Variants in CNTNAP3B observed in about 807,000 individuals in gnomAD.
CNTNAP3B encodes the protein contactin-associated protein-like 3B.
Under a neutral mutation model 108.9 loss-of-function variants are expected in CNTNAP3B, and 25 were observed. The observed-to-expected ratio is 0.23, with a 90% CI of 0.17 to 0.32. The LOEUF (loss-of-function observed/expected upper bound fraction) is 0.32. Ranked by LOEUF, CNTNAP3B falls within the 10% of genes least tolerant of loss-of-function variation. The pLI is 1.00. For missense variants in CNTNAP3B, 252 were observed against 1,210.4 expected, an observed-to-expected ratio of 0.21 and a Z score of 11.75; for synonymous variants, 103 against 473.4, an observed-to-expected ratio of 0.22 and a Z score of 10.16.
intron 1 of CNTNAP3B, among the ~76,000 whole-genome samples, chr9:42,107,657 A>T (rs1304921095): frequency 7.4e-6 from 1 of 134,488 alleles, no homozygotes; most frequent in African/African-American, 3.0e-5. Context: ...TTTCTGGCAC[A>T]GGCTTGAATA....
At chr9:42,112,137 T>C (rs1828203919) in intron 1 of CNTNAP3B, among the ~76,000 whole-genome samples, 1 of 139,828 alleles carries the variant, frequency 7.2e-6, no homozygotes, top group African/African-American at 2.8e-5. Context: ...GTTTCCTGAA[T>C]GTGGGATGCA....
intron 12 of CNTNAP3B, among the ~76,000 whole-genome samples, chr9:41,955,126 C>G (rs1279280150): frequency 6.7e-6 from 1 of 148,316 alleles, no homozygotes; most frequent in African/African-American, 2.5e-5. Context: ...AACCACATGC[C>G]ATTTTTGGCC....
chr9:41,956,493 G>A (rs1156496249), intron 12 of CNTNAP3B, among the ~76,000 whole-genome samples: 8 of 152,238 alleles, frequency 5.3e-5, no homozygotes, highest in African/African-American at 1.9e-4. Context: ...ACTGTAAACG[G>A]GGATTGTCTG....
At chr9:41,986,359 G>C in intron 8 of CNTNAP3B, 48 bp from the exon 9 acceptor site, 1 of 1,020,940 alleles carries the variant, frequency 9.8e-7, no homozygotes, top group Non-Finnish European at 1.4e-6. Context: ...TATGAGCTCT[G>C]TAAACACTTG....
At position 41,928,613 on chromosome 9, in the gene CNTNAP3B, T is replaced by C. The variant is rs1360751853; in HGVS notation, c.2365+704A>G. Among the ~76,000 whole-genome samples the C allele has an allele frequency of 6.2e-3, 940 of 152,186 alleles. 5 individuals carry two copies. Among genetic ancestry groups the C allele is most frequent in the African/African-American group, 0.022 (901 of 41,380 alleles). Reference sequence around the variant, plus strand: ...CAGGCTCCTTGTTGAACCACCCCTCTCAGAAGTAGCCCCCACACATTGAGG... The same window carrying C: ...CAGGCTCCTTGTTGAACCACCCCTCCCAGAAGTAGCCCCCACACATTGAGG... On this transcript the variant is annotated intron_variant, in intron 15 of 23. Transcript: ENST00000377561.
intron 2 of CNTNAP3B, among the ~76,000 whole-genome samples, chr9:42,094,800 A>G (rs1384571442): frequency 7.9e-6 from 1 of 125,846 alleles, no homozygotes; most frequent in Non-Finnish European, 1.7e-5. Context: ...AAAGAAATGT[A>G]ACAGAGACCT....
chr9:42,035,513 C>T (rs1276637892), intron 3 of CNTNAP3B, among the ~76,000 whole-genome samples: 1 of 146,754 alleles, frequency 6.8e-6, no homozygotes, highest in Non-Finnish European at 1.5e-5. Context: ...AAAGGTGGGA[C>T]TTTGGACAAA....
intron 15 of CNTNAP3B, among the ~76,000 whole-genome samples, chr9:41,924,645 G>GCGCGCGCGCACGCACA (rs1474850625): frequency 7.4e-6 from 1 of 135,062 alleles, no homozygotes; most frequent in Non-Finnish European, 1.6e-5. Flanking sequence ...TTTCCTTCCT[G>GCGCGCGCGCACGCACA]CACACACACA....
chr9:41,940,489 T>C (rs3011162), intron 13 of CNTNAP3B, among the ~76,000 whole-genome samples: 126 of 149,342 alleles, frequency 8.4e-4, no homozygotes, highest in African/African-American at 1.8e-3. Flanking sequence ...AAATTATATA[T>C]CCAGAGAAAC....
chr9:41,953,547 C>A (rs1161353027), intron 12 of CNTNAP3B, among the ~76,000 whole-genome samples, 161 bp from the exon 13 acceptor site: 20 of 151,464 alleles, frequency 1.3e-4, no homozygotes, highest in African/African-American at 4.9e-4. Context: ...TGTACTGAGC[C>A]AGAACTCAGC....
intron 14 of CNTNAP3B, among the ~76,000 whole-genome samples, chr9:41,937,314 A>T (rs921865866): frequency 9.0e-4 from 137 of 151,926 alleles, no homozygotes; most frequent in Admixed American, 8.2e-3. Context: ...TTCAGTGGAG[A>T]CGGGGTTTCG....
rs541934219 is a variant in CNTNAP3B at position 42,056,642 on chromosome 9, G to A, written c.390+20227C>T. On this transcript the variant is annotated intron_variant, in intron 3 of 23. Coordinates refer to ENST00000377561, the MANE Select transcript of CNTNAP3B (RefSeq NM_001201380.3). ...TGGGATTACGGGTGTGAGCCACCGCGCCAAGCATTATCTCATAAATTTATA... is the reference window on the plus strand; with the variant it reads ...TGGGATTACGGGTGTGAGCCACCGCACCAAGCATTATCTCATAAATTTATA... Among the ~76,000 whole-genome samples the A allele has an allele frequency of 1.4e-3, 199 of 138,120 alleles. 34 individuals are homozygous for A. The highest frequency in any genetic ancestry group is 5.2e-3 in the African/African-American group (183 of 34,918). The allele number at this position is 138,120 out of a possible 152,430, so 90.6% of individuals were successfully genotyped here.
At chr9:42,119,974 T>C (rs1197164146) in intron 1 of CNTNAP3B, among the ~76,000 whole-genome samples, 1 of 142,646 alleles carries the variant, frequency 7.0e-6, no homozygotes, top group Non-Finnish European at 1.5e-5. Context: ...AATTGACAAA[T>C]GGGATCTAAT....
At chr9:41,925,640 T>C (rs1262198887) in intron 15 of CNTNAP3B, among the ~76,000 whole-genome samples, 2 of 152,302 alleles carry the variant, frequency 1.3e-5, no homozygotes, top group Non-Finnish European at 2.9e-5. Flanking sequence ...CTCTTGATCT[T>C]TTACTAATTT....
At chr9:42,108,092 C>G (rs1449582442) in intron 1 of CNTNAP3B, among the ~76,000 whole-genome samples, 1 of 139,006 alleles carries the variant, frequency 7.2e-6, no homozygotes, top group African/African-American at 2.9e-5. Flanking sequence ...TCTGTGAACA[C>G]TTTCTTTCTA....
intron 8 of CNTNAP3B, among the ~76,000 whole-genome samples, chr9:41,986,696 G>C (rs1202820257): frequency 2.0e-5 from 3 of 150,826 alleles, no homozygotes; most frequent in Admixed American, 1.3e-4. Flanking sequence ...CAAGAATCAA[G>C]AAAGTGAGTT....
In CNTNAP3B at chr9:42,127,267, C is replaced by A. The variant is rs1257056213; in HGVS notation, c.85+1743G>T. Among the ~76,000 whole-genome samples, 2 of 138,780 alleles carry A rather than the reference C, an allele frequency of 1.4e-5. 1 individual carries two copies. The highest frequency in any genetic ancestry group is 1.4e-4 in the Admixed American group (2 of 13,918). 91.0% of individuals were successfully genotyped at this position (138,780 alleles called of 152,430 possible). ...TTTGGAATATCTGTCCCTGCCCTCC[C>A]CTCCTCCAAAAAGAATGTTCACTGT... is the stretch of plus-strand genomic sequence containing the variant. On this transcript the variant is annotated intron_variant, in intron 1 of 23. Coordinates refer to ENST00000377561, the MANE Select transcript of CNTNAP3B (RefSeq NM_001201380.3).
At chr9:42,071,837 C>A (rs1309145483) in intron 3 of CNTNAP3B, among the ~76,000 whole-genome samples, 1 of 148,486 alleles carries the variant, frequency 6.7e-6, no homozygotes, top group African/African-American at 2.5e-5. Context: ...TCATTGGTAA[C>A]TCCACGCATA....
At chr9:41,929,926 C>T (rs1213929249) in intron 14 of CNTNAP3B, among the ~76,000 whole-genome samples, 2 of 152,222 alleles carry the variant, frequency 1.3e-5, no homozygotes, top group African/African-American at 2.4e-5. Context: ...TTTGCCAATT[C>T]CTGATCTAAA....
Sources: gnomAD v4.1 joint callset for allele counts (sites outside exome capture counted in the v4.1 genomes callset) on GRCh38, gnomAD v4.1.1 for gene constraint, MANE v1.5 for transcripts, NCBI Gene and HGNC (gene_info 2026-07-23, HGNC 2026-07-21) for gene names.